GSDME: variants seen among roughly 807,000 people sequenced by gnomAD.
GSDME encodes gasdermin E.
In GSDME, 44 loss-of-function variants were observed where a neutral mutation model predicts 47.5. The observed-to-expected ratio is 0.93, with a 90% CI of 0.73 to 1.19. GSDME has a LOEUF of 1.19. Ranked by LOEUF, GSDME falls within the 50% of genes most tolerant of loss-of-function variation. GSDME has a pLI of 0.00. For synonymous variants in GSDME, 258 were observed against 252.8 expected, an observed-to-expected ratio of 1.02 and a Z score of -0.20; for missense variants, 663 against 604.2, an observed-to-expected ratio of 1.10 and a Z score of -1.02.
chr7:24,758,487 G>A (rs1018227713), upstream of GSDME, among the ~76,000 whole-genome samples: 2 of 152,302 alleles, frequency 1.3e-5, no homozygotes, highest in East Asian at 1.9e-4. This position sits in a 1 kb window ranked among gnomAD's most constrained non-coding sequence, Gnocchi z 4.6. Context: ...TCAGTGTATC[G>A]TCTTCACTGT....
the GSDME span, among the ~76,000 whole-genome samples, chr7:24,788,454 C>T: frequency 2.6e-5 from 4 of 152,164 alleles, no homozygotes; most frequent in South Asian, 4.1e-4. The surrounding 1 kb of genome is among the most constrained non-coding windows in gnomAD (Gnocchi z 4.6). Context: ...GCTAATCTCT[C>T]GGTGACTTCA....
intron 8 of GSDME, 62 bp downstream of exon 8, chr7:24,706,122 G>A (rs1789089436): frequency 6.3e-7 from 1 of 1,587,636 alleles, no homozygotes; most frequent in Non-Finnish European, 8.6e-7. Flanking sequence ...CAGAAGCATA[G>A]ATAGTAGGCA....
chr7:24,774,537 A>G, the GSDME span, among the ~76,000 whole-genome samples: 1 of 151,334 alleles, frequency 6.6e-6, no homozygotes, highest in Non-Finnish European at 1.5e-5. Flanking sequence ...AATTAATTAT[A>G]TATTTATTTA....
At chr7:24,746,993 G>A (rs939886773) in intron 2 of GSDME, among the ~76,000 whole-genome samples, 1 of 152,228 alleles carries the variant, frequency 6.6e-6, no homozygotes, top group Admixed American at 6.5e-5. Context: ...AATCCAGGAT[G>A]AGCTCTGACC....
At position 24,757,277 on chromosome 7, in the gene GSDME, C is replaced by G. The variant is rs1236713226; in HGVS notation, c.-20+119G>C. ...AGGAAGGAGCGAGGGGAGGGTGGCC[C>G]AGAGAGAAAGCGCCGCGCGGCCTCG... On this transcript the variant is annotated intron_variant, in intron 1 of 9. Transcript: ENST00000645220. The surrounding 1 kb of genome is among the most constrained non-coding windows in gnomAD (Gnocchi z 5.9). 1 of 152,666 alleles carries G rather than the reference C, an allele frequency of 6.6e-6. No homozygotes were observed. Among genetic ancestry groups the G allele is most frequent in the Non-Finnish European group, 1.5e-5 (1 of 68,490 alleles). The allele number at this position is 152,666 out of a possible 1,614,324, so 9.5% of individuals were successfully genotyped here.
At chr7:24,791,907 G>A in the GSDME span, among the ~76,000 whole-genome samples, 2 of 152,198 alleles carry the variant, frequency 1.3e-5, no homozygotes, top group Admixed American at 1.3e-4. The surrounding 1 kb of genome is among the most constrained non-coding windows in gnomAD (Gnocchi z 4.8). Context: ...AGTGTTGGGA[G>A]AAGGAAGCTG....
rs754443945 is a variant in GSDME, at chr7:24,744,705, G to A, written c.261C>T (p.His87=). 11 of 1,613,998 alleles carry A rather than the reference G, an allele frequency of 6.8e-6. No homozygotes were observed. Among genetic ancestry groups the A allele is most frequent in the Middle Eastern group, 1.6e-4 (1 of 6,084 alleles). Residue 87 remains histidine (H), a synonymous_variant, in exon 3 of 10, where the codon CAC becomes CAT. Coordinates refer to ENST00000645220, the MANE Select transcript of GSDME (RefSeq NM_001127453.2). The surrounding 1 kb of genome is among the most constrained non-coding windows in gnomAD (Gnocchi z 4.5). Reference sequence around the variant, plus strand: ...GTGCAGTCTCCAGGGTTCCACTCACGTGGTTTGCAAACTTGCCCTCGTATT... The same window carrying A: ...GTGCAGTCTCCAGGGTTCCACTCACATGGTTTGCAAACTTGCCCTCGTATT... The part of the protein sequence containing the change: ...FVKYEGKFAN[H]VSGTLETALG...
rs1790326353 is a variant in GSDME at position 24,736,976 on chromosome 7, A to G, written c.404+7586T>C. ...TTTATTGAAACAAATGATAACAGAAACACAACAGCAAAACCTATGGGGTAC... is the reference window on the plus strand; with the variant it reads ...TTTATTGAAACAAATGATAACAGAAGCACAACAGCAAAACCTATGGGGTAC... On this transcript the variant is annotated intron_variant, in intron 3 of 9. Coordinates refer to ENST00000645220, the MANE Select transcript of GSDME (RefSeq NM_001127453.2). The surrounding 1 kb of genome is among the most constrained non-coding windows in gnomAD (Gnocchi z 4.6). Among the ~76,000 whole-genome samples the G allele has an allele frequency of 6.6e-6, 1 of 152,172 alleles. No individual in the cohort carries two copies. Among genetic ancestry groups the G allele is most frequent in the Non-Finnish European group, 1.5e-5 (1 of 68,006 alleles).
At position 24,744,713 on chromosome 7, in the gene GSDME, CA is replaced by C; in HGVS notation, c.252del (p.Phe84LeufsTer5). 6.2e-7 allele frequency: 1 copy of C among 1,614,146 alleles called. No individual in the cohort carries two copies. On this transcript the variant is annotated frameshift_variant, in exon 3 of 10. Transcript: ENST00000645220. LOFTEE classifies it high-confidence loss of function. This position sits in a 1 kb window ranked among gnomAD's most constrained non-coding sequence, Gnocchi z 4.5. ...ESDFVKYEGK[F>X]ANHVSGTLET... is the part of the protein sequence containing the mutation. ...TCCAGGGTTCCACTCACGTGGTTTG[CA>C]AACTTGCCCTCGTATTTCACAAAGT... is the stretch of plus-strand genomic sequence containing the variant.
In GSDME at chr7:24,719,046, C is replaced by A. The variant is rs1276442361; in HGVS notation, c.576+1G>T. The A allele has an allele frequency of 1.9e-6, 3 of 1,612,200 alleles. No homozygotes were observed. The highest frequency in any genetic ancestry group is 2.5e-6 in the Non-Finnish European group (3 of 1,179,984). On this transcript the variant is annotated splice_donor_variant, in intron 4 of 9. Coordinates refer to ENST00000645220, the MANE Select transcript of GSDME (RefSeq NM_001127453.2). LOFTEE classifies it high-confidence loss of function. ...ACGCAGGGCAGCCCGACTGCACGCA[C>A]CTGCACCGTCTTGGTCTGGATGCCC...
chr7:24,759,093 G>A (rs1791122312), upstream of GSDME, among the ~76,000 whole-genome samples: 1 of 152,194 alleles, frequency 6.6e-6, no homozygotes, highest in Admixed American at 6.5e-5. Flanking sequence ...GTAGGCCCCT[G>A]ATTTGCTAAT....
chr7:24,766,037 T>C, the GSDME span, among the ~76,000 whole-genome samples: 1 of 152,206 alleles, frequency 6.6e-6, no homozygotes, highest in South Asian at 2.1e-4. The surrounding 1 kb of genome is among the most constrained non-coding windows in gnomAD (Gnocchi z 4.2). Flanking sequence ...AAAGTCCATA[T>C]TTTTACCTTT....
At chr7:24,764,591 TCAA>T in the GSDME span, among the ~76,000 whole-genome samples, 2 of 151,890 alleles carry the variant, frequency 1.3e-5, no homozygotes, top group Admixed American at 6.6e-5. This position sits in a 1 kb window ranked among gnomAD's most constrained non-coding sequence, Gnocchi z 4.4. Context: ...CAATAAAAAA[TCAA>T]CACCACCCCA....
At chr7:24,771,849 C>T in the GSDME span, among the ~76,000 whole-genome samples, 2 of 152,230 alleles carry the variant, frequency 1.3e-5, no homozygotes, top group African/African-American at 2.4e-5. The surrounding 1 kb of genome is among the most constrained non-coding windows in gnomAD (Gnocchi z 4.1). Context: ...AGAAGAATCT[C>T]TAAGTCTTGT....
At chr7:24,717,112 G>T (rs1260250365) in intron 5 of GSDME, 142 bp downstream of exon 5, 3 of 951,096 alleles carry the variant, frequency 3.2e-6, no homozygotes, top group Admixed American at 2.0e-5. Flanking sequence ...CCATGTCTTG[G>T]GACAATCTAC....
At position 24,752,509 on chromosome 7, in the gene GSDME, G is replaced by T. The variant is rs181007571; in HGVS notation, c.-19-2716C>A. ...CTCTGGACTATGTCAGTGGCATAAGGATAGAAAAGACACTCGCTTGGTGAA... is the reference window on the plus strand; with the variant it reads ...CTCTGGACTATGTCAGTGGCATAAGTATAGAAAAGACACTCGCTTGGTGAA... On this transcript the variant is annotated intron_variant, in intron 1 of 9. Transcript: ENST00000645220. Among the ~76,000 whole-genome samples the T allele has an allele frequency of 5.8e-4, 89 of 152,330 alleles. No homozygotes were observed. In the East Asian group the frequency reaches 0.017, roughly 29 times the overall value.
rs1289624002 is a variant in GSDME, at chr7:24,708,191, G to A, written c.926C>T (p.Ala309Val). Reference sequence around the variant, plus strand: ...GACCGCCTGGAAGATGTCACTCAAAGCTGTCTGTTGTGGCTCAGGCAGCTC... The same window carrying A: ...GACCGCCTGGAAGATGTCACTCAAAACTGTCTGTTGTGGCTCAGGCAGCTC... ...FAELPEPQQT[A>V]LSDIFQAVLF... Residue 309 changes from alanine to valine, a missense_variant, in exon 7 of 10, where the codon GCT (alanine) becomes GTT (valine). Coordinates refer to ENST00000645220, the MANE Select transcript of GSDME (RefSeq NM_001127453.2). 1.2e-6 allele frequency: 2 copies of A among 1,614,048 alleles called. No homozygotes were observed. Among genetic ancestry groups the A allele is most frequent in the Non-Finnish European group, 1.7e-6 (2 of 1,180,040 alleles).
intron 6 of GSDME, among the ~76,000 whole-genome samples, chr7:24,709,990 G>T (rs1584056017): frequency 6.6e-6 from 1 of 152,264 alleles, no homozygotes; most frequent in South Asian, 2.1e-4. Flanking sequence ...CTACCCCATG[G>T]AGCGTCATTC....
At chr7:24,723,905 T>C (rs1053333454) in intron 3 of GSDME, among the ~76,000 whole-genome samples, 2 of 152,340 alleles carry the variant, frequency 1.3e-5, no homozygotes, top group South Asian at 2.1e-4. Context: ...AGAATATCCA[T>C]GCCTGCCTGT....
Sources: allele counts gnomAD v4.1 joint callset (sites outside exome capture counted in the v4.1 genomes callset), GRCh38; gene constraint gnomAD v4.1.1; non-coding constraint Gnocchi (gnomAD v3.1); transcripts MANE v1.5; gene names NCBI Gene and HGNC (gene_info 2026-07-23, HGNC 2026-07-21).